Variants in UBAP1L observed in about 807,000 individuals in gnomAD.
UBAP1L encodes ubiquitin associated protein 1 like, also known as ubiquitin-associated protein 1-like.
UBAP1L carries 32 observed loss-of-function variants against 32.1 expected under a neutral mutation model. That is an observed-to-expected ratio of 1.00 (90% CI 0.75 to 1.34). The LOEUF (loss-of-function observed/expected upper bound fraction) is 1.34, where lower values mean the gene tolerates loss of function less well. UBAP1L is among the 40% of genes most tolerant of loss of function. The pLI is 0.00. For synonymous variants in UBAP1L, 243 were observed against 250.2 expected, an observed-to-expected ratio of 0.97 and a Z score of 0.27; for missense variants, 516 against 540.5, an observed-to-expected ratio of 0.95 and a Z score of 0.45.
intron 5 of UBAP1L, 64 bp from the exon 6 acceptor site, chr15:65,093,295 G>GC (rs1286470873): frequency 2.7e-6 from 4 of 1,460,728 alleles, no homozygotes; most frequent in Non-Finnish European, 3.6e-6. Flanking sequence ...GCCATGGGGA[G>GC]CCCCAGCTCC....
rs1438714633 is a variant in UBAP1L at position 65,106,124 on chromosome 15, G to T, written c.92C>A (p.Ala31Asp). The change falls in exon 2 of 6, where the codon GCC (alanine) becomes GAC (aspartate). Residue 31 changes from alanine (A) to aspartate (D), a missense_variant. Ala to Asp is a moderately radical substitution (Grantham distance 126, BLOSUM62 -2). Coordinates refer to ENST00000559089, the MANE Select transcript of UBAP1L (RefSeq NM_001163692.2). ...AGAACCCAGCAGAACTTCCCCGCAG[G>T]CCGGGACGCTGAGTTCTGGCCCAGG... ...PLPGPELSVPACGEVLLGSMH... is the reference protein window; with the variant it reads ...PLPGPELSVPDCGEVLLGSMH... 6.4e-7 allele frequency: 1 copy of T among 1,550,922 alleles called. No homozygotes were observed. The highest frequency in any genetic ancestry group is 1.4e-5 in the African/African-American group (1 of 72,990).
At chr15:65,099,740 T>C in intron 3 of UBAP1L, 26 bp from the exon 4 acceptor site, 1 of 1,527,664 alleles carries the variant, frequency 6.5e-7, no homozygotes, top group Non-Finnish European at 8.8e-7. Context: ...ACTGGACATG[T>C]CAGTTACTAC....
At chr15:65,107,059 A>G (rs983947237) in intron 1 of UBAP1L, among the ~76,000 whole-genome samples, 11 of 152,326 alleles carry the variant, frequency 7.2e-5, no homozygotes, top group Non-Finnish European at 7.4e-5. Context: ...TAACACTGTC[A>G]AGTTAAGTTT....
chr15:65,107,063 T>TA (rs1725010127), intron 1 of UBAP1L, among the ~76,000 whole-genome samples: 1 of 152,182 alleles, frequency 6.6e-6, no homozygotes, highest in Non-Finnish European at 1.5e-5. Flanking sequence ...ACTGTCAAGT[T>TA]AAGTTTATTT....
intron 3 of UBAP1L, 22 bp from the exon 4 acceptor site, chr15:65,099,736 C>A (rs1347582119): frequency 6.5e-7 from 1 of 1,529,870 alleles, no homozygotes; most frequent in Non-Finnish European, 8.8e-7. Context: ...ACAGACTGGA[C>A]ATGTCAGTTA....
rs2087219292 is a variant in UBAP1L, at chr15:65,099,732, T to C, written c.700-18A>G. The C allele has an allele frequency of 2.0e-6, 3 of 1,533,472 alleles. No homozygotes were observed. Among genetic ancestry groups the C allele is most frequent in the Non-Finnish European group, 2.6e-6 (3 of 1,135,136 alleles). The allele number at this position is 1,533,472 out of a possible 1,614,324, so 95.0% of individuals were successfully genotyped here. Reference sequence around the variant, plus strand: ...CTGAGGGACTGAAATACAGACAGACTGGACATGTCAGTTACTACAGGAAGT... The same window carrying C: ...CTGAGGGACTGAAATACAGACAGACCGGACATGTCAGTTACTACAGGAAGT... On this transcript the variant is annotated intron_variant, in intron 3 of 5. Transcript: ENST00000559089.
At chr15:65,112,848 C>T (rs1400202779) in intron 1 of UBAP1L, among the ~76,000 whole-genome samples, 1 of 152,170 alleles carries the variant, frequency 6.6e-6, no homozygotes, top group African/African-American at 2.4e-5. Context: ...GAGTACTCAT[C>T]TCTGATACTT....
intron 5 of UBAP1L, 113 bp from the exon 6 acceptor site, chr15:65,093,344 C>G: frequency 7.5e-7 from 1 of 1,333,484 alleles, no homozygotes; most frequent in East Asian, 2.7e-5. Flanking sequence ...CTGTGGCTAC[C>G]CCCAGGCCAC....
rs976373334 is a variant in UBAP1L at position 65,094,166 on chromosome 15, C to T, written c.1011+309G>A. 2.6e-5 allele frequency among the ~76,000 whole-genome samples: 4 copies of T among 152,186 alleles called. No individual in the cohort carries two copies. The highest frequency in any genetic ancestry group is 7.2e-5 in the African/African-American group (3 of 41,434). Reference sequence around the variant, plus strand: ...CCATGGCTCCTATCTGAGTGTCCGACAAAGAGTGGCCATTCAGTCACAGAG... The same window carrying T: ...CCATGGCTCCTATCTGAGTGTCCGATAAAGAGTGGCCATTCAGTCACAGAG... On this transcript the variant is annotated intron_variant, in intron 5 of 5. Transcript: ENST00000559089. This position sits in a 1 kb window ranked among gnomAD's most constrained non-coding sequence, Gnocchi z 4.2.
At position 65,102,365 on chromosome 15, in the gene UBAP1L, A is replaced by G. The variant is rs1054082538; in HGVS notation, c.440T>C (p.Val147Ala). The G allele has an allele frequency of 9.5e-6, 14 of 1,475,116 alleles. No individual in the cohort carries two copies. The Admixed American group carries it at 2.0e-4, about 21-fold the overall frequency. 91.4% of individuals were successfully genotyped at this position (1,475,116 alleles called of 1,614,324 possible). ...GPGRRLCSLD[V>A]LRGVRLELAG... ...CAGCTCCAACCGCACGCCGCGTAGC[A>G]CGTCCAGCGAGCACAGGCGACGGCC... Residue 147 changes from valine to alanine, a missense_variant, in exon 3 of 6, where the codon GTG becomes GCG. By Grantham distance (64) the Val-to-Ala change is moderately conservative. Transcript: ENST00000559089. The surrounding 1 kb of genome is among the most constrained non-coding windows in gnomAD (Gnocchi z 5.0).
At chr15:65,099,202 T>A (rs538019341) in intron 4 of UBAP1L, 14 of 359,438 alleles carry the variant, frequency 3.9e-5, no homozygotes, top group African/African-American at 2.5e-4. Flanking sequence ...CTGCCCCAGA[T>A]GCTGGGAGAG....
rs755676306 is a variant in UBAP1L, at chr15:65,099,703, C to T, written c.711G>A (p.Pro237=). Residue 237 remains proline (P), a synonymous_variant, in exon 4 of 6, where the codon CCG becomes CCA. Coordinates refer to ENST00000559089, the MANE Select transcript of UBAP1L (RefSeq NM_001163692.2). The part of the protein sequence containing the change: ...SHKPTVASLS[P]YTCLPPLGGA... ...CCCCAAGAGGTGGCAGACAGGTGTA[C>T]GGGCTGAGGGACTGAAATACAGACA... 40 of 1,549,078 alleles carry T rather than the reference C, an allele frequency of 2.6e-5. No individual in the cohort carries two copies. The East Asian group carries it at 3.2e-4, about 12-fold the overall frequency.
intron 1 of UBAP1L, among the ~76,000 whole-genome samples, chr15:65,106,772 C>T (rs1392731070): frequency 6.6e-6 from 1 of 151,864 alleles, no homozygotes; most frequent in African/African-American, 2.4e-5. Flanking sequence ...TCCCAAGTAG[C>T]TGGAATTACA....
chr15:65,099,463 C>A (rs371100691), intron 4 of UBAP1L, 42 bp downstream of exon 4: 4 of 1,538,684 alleles, frequency 2.6e-6, no homozygotes, highest in South Asian at 2.4e-5. Flanking sequence ...ACTCACCTGG[C>A]TCCAGCATCA....
intron 4 of UBAP1L, 110 bp downstream of exon 4, chr15:65,099,395 T>G: frequency 8.6e-7 from 1 of 1,161,356 alleles, no homozygotes; most frequent in Non-Finnish European, 1.2e-6. Context: ...AGCTGTGGGG[T>G]TGGCTGATGC....
intron 1 of UBAP1L, among the ~76,000 whole-genome samples, chr15:65,108,795 C>CAAA (rs893345086): frequency 2.1e-4 from 31 of 151,052 alleles, no homozygotes; most frequent in African/African-American, 7.0e-4. Context: ...TTTAAAAAAA[C>CAAA]ACAACAACAA....
chr15:65,106,653 T>A (rs2087315291), intron 1 of UBAP1L, among the ~76,000 whole-genome samples: 1 of 151,518 alleles, frequency 6.6e-6, no homozygotes, highest in Non-Finnish European at 1.5e-5. Context: ...TTTTTTTTTT[T>A]TTTCTGGGAC....
rs1207276963 is a variant in UBAP1L at position 65,102,238 on chromosome 15, GC to G, written c.566del (p.Ser189ThrfsTer80). 53 of 1,272,170 alleles carry G rather than the reference GC, an allele frequency of 4.2e-5. No individual in the cohort carries two copies. Among genetic ancestry groups the G allele is most frequent in the Non-Finnish European group, 4.9e-5 (49 of 1,010,248 alleles). 78.8% of individuals were successfully genotyped at this position (1,272,170 alleles called of 1,614,324 possible). A position where few individuals can be genotyped will look rare whatever the true frequency, so the allele number is the denominator to read the frequency against. On this transcript the variant is annotated frameshift_variant, in exon 3 of 6. Coordinates refer to ENST00000559089, the MANE Select transcript of UBAP1L (RefSeq NM_001163692.2). LOFTEE classifies it high-confidence loss of function. The surrounding 1 kb of genome is among the most constrained non-coding windows in gnomAD (Gnocchi z 5.0). ...RGHRALSLCP[S>X]PAQSPRSASP... ...ATGCAGACCTGGGGGACTGCGCAGG[GC>G]TCGGGCACAGGCTCAGCGCGCGGTG...
chr15:65,113,694 A>G (rs1204726095), intron 1 of UBAP1L, among the ~76,000 whole-genome samples: 1 of 152,004 alleles, frequency 6.6e-6, no homozygotes, highest in Non-Finnish European at 1.5e-5. Flanking sequence ...GTTGCAGTGA[A>G]CCAAGATCAC....
Sources: gnomAD v4.1 joint callset for allele counts (sites outside exome capture counted in the v4.1 genomes callset) on GRCh38, gnomAD v4.1.1 for gene constraint, Gnocchi (gnomAD v3.1) non-coding constraint, MANE v1.5 for transcripts, NCBI Gene and HGNC (gene_info 2026-07-23, HGNC 2026-07-21) for gene names.